Variants in ERLEC1 observed in about 807,000 individuals in gnomAD.
ERLEC1 encodes the protein endoplasmic reticulum lectin 1.
In ERLEC1, 47 loss-of-function variants were observed where a neutral mutation model predicts 68.0. The ratio of observed to expected loss-of-function variants is 0.69; its 90% CI spans 0.55 to 0.88. The LOEUF (loss-of-function observed/expected upper bound fraction) is 0.88, where lower values mean the gene tolerates loss of function less well. ERLEC1 is among the 40% of genes least tolerant of loss of function. ERLEC1 has a pLI of 0.00. For missense variants in ERLEC1, 567 were observed against 583.8 expected (o/e 0.97, Z 0.30); for synonymous variants, 225 against 203.2 (o/e 1.11, Z -0.91).
Position 53,813,051 on chromosome 2 carries a change from G to A in ERLEC1, c.1204G>A (p.Asp402Asn), listed in dbSNP as rs1676676363. The A allele has an allele frequency of 6.2e-7, 1 of 1,612,336 alleles. No individual in the cohort carries two copies. The highest frequency in any genetic ancestry group is 8.5e-7 in the Non-Finnish European group (1 of 1,179,666). Reference protein sequence around the residue: ...KNTARAYHLQDDGTQTVRMVS... With the variant: ...KNTARAYHLQNDGTQTVRMVS... ...TACTGCTAGAGCTTATCATCTTCAA[G>A]ACGATGGTACCCAGACAGTCAGGTA... The change falls in exon 11 of 14, where the codon GAC (aspartate) becomes AAC (asparagine). Residue 402 changes from aspartate to asparagine, a missense_variant. Transcript: ENST00000185150.
chr2:53,813,213 C>A (rs753106383), intron 11 of ERLEC1, 140 bp downstream of exon 11: 15 of 1,010,356 alleles, frequency 1.5e-5, no homozygotes, highest in Non-Finnish European at 2.0e-5. Flanking sequence ...GGTTAGTTTT[C>A]TTTTCTTAGG....
intron 8 of ERLEC1, among the ~76,000 whole-genome samples, chr2:53,808,059 T>C (rs1043610906): frequency 1.3e-4 from 19 of 151,876 alleles, no homozygotes; most frequent in African/African-American, 3.9e-4. Flanking sequence ...ACAAAGTATA[T>C]GAAATGGAAA....
At chr2:53,792,085 T>C (rs1675436088) in intron 1 of ERLEC1, among the ~76,000 whole-genome samples, 1 of 151,884 alleles carries the variant, frequency 6.6e-6, no homozygotes, top group African/African-American at 2.4e-5. Context: ...CTAAATTTTT[T>C]TTGTATTTTT....
chr2:53,787,141 C>CCAACACCAACA lies in ERLEC1; in HGVS notation c.-69_-68insAACACCAACAC. ...AGTCCCGCCGCCTCCTCCTCCACCT[C>CCAACACCAACA]CTCCTCCTCCTCCTCTCCTCCTGGA... On this transcript the variant is annotated 5_prime_UTR_variant, in exon 1 of 14. Coordinates refer to ENST00000185150, the MANE Select transcript of ERLEC1 (RefSeq NM_015701.5). The CCAACACCAACA allele has an allele frequency of 7.4e-7, 1 of 1,354,062 alleles. No individual in the cohort carries two copies. The highest frequency in any genetic ancestry group is 9.7e-7 in the Non-Finnish European group (1 of 1,029,694). The allele number at this position is 1,354,062 out of a possible 1,614,324, so 83.9% of individuals were successfully genotyped here.
intron 5 of ERLEC1, 56 bp downstream of exon 5, chr2:53,797,851 G>A: frequency 1.4e-6 from 2 of 1,399,056 alleles, no homozygotes; most frequent in East Asian, 2.3e-5. Context: ...TAAAATATAT[G>A]TTCAAAATGG....
At chr2:53,808,272 C>T in intron 8 of ERLEC1, 27 bp from the exon 9 acceptor site, 1 of 1,604,820 alleles carries the variant, frequency 6.2e-7, no homozygotes. Flanking sequence ...GGCATGGAAA[C>T]CCTTAAACGT....
At chr2:53,794,305 T>G in intron 1 of ERLEC1, 40 bp from the exon 2 acceptor site, 1 of 885,774 alleles carries the variant, frequency 1.1e-6, no homozygotes, top group South Asian at 1.8e-5. Context: ...TGATACAATT[T>G]CACGGAGAAC....
At chr2:53,817,404 A>G (rs1676958866) in intron 13 of ERLEC1, among the ~76,000 whole-genome samples, 1 of 152,058 alleles carries the variant, frequency 6.6e-6, no homozygotes, top group East Asian at 1.9e-4. Context: ...GAGTGCTGGG[A>G]TTACAGGCAT....
chr2:53,809,393 G>A (rs1486372978), intron 10 of ERLEC1, 120 bp downstream of exon 10: 11 of 739,902 alleles, frequency 1.5e-5, no homozygotes, highest in Non-Finnish European at 2.3e-5. Flanking sequence ...AATATGATTA[G>A]TATAATCAAA....
chr2:53,787,812 G>C (rs755404763), intron 1 of ERLEC1, among the ~76,000 whole-genome samples: 1 of 152,056 alleles, frequency 6.6e-6, no homozygotes, highest in African/African-American at 2.4e-5. Flanking sequence ...TCTCGTATTC[G>C]TTCTCCCTCA....
In ERLEC1 at chr2:53,809,249, C is replaced by T. The variant is rs1676462060; in HGVS notation, c.1077C>T (p.Gly359=). The T allele has an allele frequency of 1.3e-6, 2 of 1,576,824 alleles. No homozygotes were observed. The highest frequency in any genetic ancestry group is 2.3e-5 in the East Asian group (1 of 42,908). Residue 359 remains glycine (G), a synonymous_variant, in exon 10 of 14, where the codon GGC becomes GGT. Transcript: ENST00000185150. The part of the protein sequence containing the change: ...VGWWKYEFCY[G]KHVHQYHEDK... ...GGTGGAAATATGAATTCTGCTATGG[C>T]AAACATGTACATCAATACCATGAGG...
intron 8 of ERLEC1, 44 bp downstream of exon 8, chr2:53,801,886 A>G: frequency 1.3e-6 from 2 of 1,527,118 alleles, no homozygotes; most frequent in Non-Finnish European, 1.8e-6. Context: ...CTTCATTTTT[A>G]AAATTTCAGA....
chr2:53,815,987 A>T (rs1676859543), intron 13 of ERLEC1, among the ~76,000 whole-genome samples: 2 of 150,780 alleles, frequency 1.3e-5, no homozygotes, highest in South Asian at 4.2e-4. Context: ...TTGCCTATTC[A>T]TTTTTCTTTC....
chr2:53,800,263 C>T (rs772324833), intron 6 of ERLEC1, among the ~76,000 whole-genome samples: 56 of 152,060 alleles, frequency 3.7e-4, no homozygotes, highest in African/African-American at 6.5e-4. Flanking sequence ...TTTCTGCTAC[C>T]GCAATGCCAA....
At chr2:53,802,589 G>C (rs767643597) in intron 8 of ERLEC1, among the ~76,000 whole-genome samples, 11 of 152,104 alleles carry the variant, frequency 7.2e-5, no homozygotes, top group Admixed American at 1.3e-4. Flanking sequence ...ATCACCCTTT[G>C]ATTATGTGTT....
rs755444865 is a variant in ERLEC1, at chr2:53,794,434, G to A, written c.252G>A (p.Val84=). ...AATATAAATGCATACTTCCCCTTGT[G>A]ACAAGTGGGGATGAGGTAAGTTTTT... ...KEKYKCILPL[V]TSGDEEEEKD... Residue 84 remains valine, a synonymous_variant, in exon 2 of 14, where the codon GTG becomes GTA. Coordinates refer to ENST00000185150, the MANE Select transcript of ERLEC1 (RefSeq NM_015701.5). The A allele has an allele frequency of 5.2e-6, 8 of 1,529,224 alleles. No individual in the cohort carries two copies. In the Admixed American group the frequency reaches 9.3e-5, roughly 18 times the overall value. 94.7% of individuals were successfully genotyped at this position (1,529,224 alleles called of 1,614,324 possible). A position where few individuals can be genotyped will look rare whatever the true frequency, so the allele number is the denominator to read the frequency against.
intron 13 of ERLEC1, 60 bp downstream of exon 13, chr2:53,814,995 C>CTTTTTTTTTTTTTTTTTTTTTTTTTTT (rs777632156): frequency 1.7e-5 from 8 of 470,068 alleles, no homozygotes; most frequent in East Asian, 5.7e-5. Flanking sequence ...ATTTTTTTTT[C>CTTTTTTTTTTTTTTTTTTTTTTTTTTT]TTTTTTTTTT....
At position 53,808,291 on chromosome 2, in the gene ERLEC1, A is replaced by C. The variant is rs768332388; in HGVS notation, c.880-8A>C. On this transcript the variant is annotated splice_region_variant and splice_polypyrimidine_tract_variant and intron_variant, in intron 8 of 13. Transcript: ENST00000185150. ...TGGAAACCCTTAAACGTGTGTGTTT[A>C]ATTTTAGGAAGATTTGCAATCAACT... The C allele has an allele frequency of 1.2e-6, 2 of 1,611,698 alleles. No individual in the cohort carries two copies. Among genetic ancestry groups the C allele is most frequent in the Non-Finnish European group, 1.7e-6 (2 of 1,179,472 alleles).
At chr2:53,804,531 C>T (rs1676175999) in intron 8 of ERLEC1, among the ~76,000 whole-genome samples, 1 of 152,184 alleles carries the variant, frequency 6.6e-6, no homozygotes, top group Admixed American at 6.5e-5. Context: ...TTACCTCGGC[C>T]TTCCACAGTG....
Sources: allele counts gnomAD v4.1 joint callset (sites outside exome capture counted in the v4.1 genomes callset), GRCh38; gene constraint gnomAD v4.1.1; transcripts MANE v1.5; gene names NCBI Gene and HGNC (gene_info 2026-07-23, HGNC 2026-07-21).